CRISP1: variants seen among roughly 807,000 people sequenced by gnomAD.
CRISP1 encodes the protein cysteine rich secretory protein 1.
CRISP1 carries 44 observed loss-of-function variants against 33.1 expected under a neutral mutation model. That is an observed-to-expected ratio of 1.33 (90% CI 1.05 to 1.71). CRISP1 has a LOEUF of 1.71. Among genes scored for constraint, CRISP1 ranks in the 40% most tolerant of loss-of-function variants. CRISP1 has a pLI of 0.00. For missense variants in CRISP1, 390 were observed against 301.2 expected, an observed-to-expected ratio of 1.29 and a Z score of -2.18; for synonymous variants, 103 against 98.7, an observed-to-expected ratio of 1.04 and a Z score of -0.26.
chr6:49,858,104 G>A lies in CRISP1; in HGVS notation c.-2-702C>T, dbSNP rs925234136. Among the ~76,000 whole-genome samples the A allele has an allele frequency of 7.9e-5, 12 of 152,090 alleles. No homozygotes were observed. The South Asian group carries it at 8.3e-4, about 11-fold the overall frequency. ...CAGAAAGATTCTATTTAAACTCTCC[G>A]TCAGCTACAAAGAAGAGGAGTAACT... is the stretch of plus-strand genomic sequence containing the variant. On this transcript the variant is annotated intron_variant, in intron 1 of 7. Transcript: ENST00000335847.
At chr6:49,861,748 G>A (rs1015500087) in intron 1 of CRISP1, among the ~76,000 whole-genome samples, 5 of 152,074 alleles carry the variant, frequency 3.3e-5, no homozygotes, top group African/African-American at 1.2e-4. Flanking sequence ...ATCAAGGCAT[G>A]GTGGCACGCA....
rs115639859 is a variant in CRISP1 at position 49,848,186 on chromosome 6, G to A, written c.286+23C>T. The A allele has an allele frequency of 1.6e-3, 2,122 of 1,332,698 alleles. 16 individuals carry two copies. The highest frequency in any genetic ancestry group is 0.014 in the African/African-American group (910 of 66,978). 82.6% of individuals were successfully genotyped at this position (1,332,698 alleles called of 1,614,324 possible). Reference sequence around the variant, plus strand: ...TTTTTTTTTTTTTTAGTCCAAAGGCGGGTCATATAGATACACACTTACTTG... The same window carrying A: ...TTTTTTTTTTTTTTAGTCCAAAGGCAGGTCATATAGATACACACTTACTTG... On this transcript the variant is annotated intron_variant, in intron 4 of 7. Transcript: ENST00000335847.
In CRISP1 at chr6:49,848,214, A is replaced by G. The variant is rs1771245376; in HGVS notation, c.281T>C (p.Leu94Pro). 1 of 1,576,432 alleles carries G rather than the reference A, an allele frequency of 6.3e-7. No homozygotes were observed. The highest frequency in any genetic ancestry group is 8.6e-7 in the Non-Finnish European group (1 of 1,163,854). Residue 94 changes from leucine (L) to proline (P), a missense_variant, in exon 4 of 8, where the codon CTT becomes CCT. Physicochemically the swap from Leu to Pro is moderately conservative, Grantham distance 98 (BLOSUM62 -3). Transcript: ENST00000335847. ...TCATATAGATACACACTTACTTGGAAGTCTCCTCTCAAGGGGGTTGCTCTC... is the reference window on the plus strand; with the variant it reads ...TCATATAGATACACACTTACTTGGAGGTCTCCTCTCAAGGGGGTTGCTCTC... ...MTESNPLERR[L>P]PNTFCGENMH...
At chr6:49,865,316 C>T (rs980753772) in intron 1 of CRISP1, among the ~76,000 whole-genome samples, 4 of 152,128 alleles carry the variant, frequency 2.6e-5, no homozygotes, top group Admixed American at 2.0e-4. Context: ...ATTCTGATAA[C>T]TACCTTCCAC....
chr6:49,872,966 C>T (rs1455193643), intron 1 of CRISP1, among the ~76,000 whole-genome samples: 1 of 151,960 alleles, frequency 6.6e-6, no homozygotes, highest in Non-Finnish European at 1.5e-5. Flanking sequence ...ATGGGGATGG[C>T]ATTGAATCTA....
chr6:49,859,966 T>C (rs1337651212), intron 1 of CRISP1, among the ~76,000 whole-genome samples: 1 of 151,944 alleles, frequency 6.6e-6, no homozygotes, highest in African/African-American at 2.4e-5. Flanking sequence ...ATAGCTATAG[T>C]TTATCTTATA....
At chr6:49,839,694 A>G (rs996877268) in intron 6 of CRISP1, among the ~76,000 whole-genome samples, 2 of 152,194 alleles carry the variant, frequency 1.3e-5, no homozygotes, top group African/African-American at 2.4e-5. Context: ...AAAATTCCCC[A>G]TCATAGATCT....
intron 2 of CRISP1, among the ~76,000 whole-genome samples, chr6:49,856,649 A>C (rs768443970): frequency 6.6e-6 from 1 of 151,948 alleles, no homozygotes; most frequent in Non-Finnish European, 1.5e-5. Flanking sequence ...TATAAAAACC[A>C]CTCATTTTCT....
chr6:49,871,149 A>C (rs983932523), upstream of CRISP1, among the ~76,000 whole-genome samples: 32 of 151,586 alleles, frequency 2.1e-4, no homozygotes, highest in African/African-American at 7.3e-4. Flanking sequence ...ACAAAGAAAG[A>C]AAGAAAAAAA....
chr6:49,866,854 T>C (rs900533957), upstream of CRISP1, among the ~76,000 whole-genome samples: 1 of 152,148 alleles, frequency 6.6e-6, no homozygotes, highest in Non-Finnish European at 1.5e-5. Context: ...TCAGTAATTA[T>C]TTATTGAGGT....
At chr6:49,851,108 T>C (rs1771333311) in intron 3 of CRISP1, among the ~76,000 whole-genome samples, 1 of 152,196 alleles carries the variant, frequency 6.6e-6, no homozygotes, top group Non-Finnish European at 1.5e-5. Flanking sequence ...ATGAAAGCTA[T>C]TGATTTTTAT....
At chr6:49,848,914 A>T (rs1771267170) in intron 3 of CRISP1, among the ~76,000 whole-genome samples, 1 of 124,640 alleles carries the variant, frequency 8.0e-6, no homozygotes, top group Non-Finnish European at 2.0e-5. Flanking sequence ...ACAAAAAAAA[A>T]ATATTATATC....
intron 1 of CRISP1, among the ~76,000 whole-genome samples, chr6:49,874,169 A>G (rs1263435149): frequency 6.6e-6 from 1 of 152,074 alleles, no homozygotes; most frequent in Non-Finnish European, 1.5e-5. Context: ...GCAAGCCAGA[A>G]ACCTAATGTA....
chr6:49,851,961 T>C, intron 3 of CRISP1, 40 bp downstream of exon 3: 1 of 1,588,100 alleles, frequency 6.3e-7, no homozygotes, highest in Admixed American at 1.8e-5. Flanking sequence ...ACACCATTAC[T>C]ATTATTGCAA....
chr6:49,848,255 CT>C lies in CRISP1; in HGVS notation c.239del (p.Lys80SerfsTer5). On this transcript the variant is annotated frameshift_variant, in exon 4 of 8. Coordinates refer to ENST00000335847, the MANE Select transcript of CRISP1 (RefSeq NM_001131.3). LOFTEE classifies it high-confidence loss of function. ...EAAQNARIFS[K>X]YCDMTESNPL... The stretch of plus-strand genomic sequence containing the variant: ...GGTTGCTCTCTGTCATATCACAATA[CT>C]TTGAAAAAATTCTGGCATTTTGTGC... 2 of 1,604,942 alleles carry C rather than the reference CT, an allele frequency of 1.2e-6. No homozygotes were observed. The highest frequency in any genetic ancestry group is 2.7e-5 in the African/African-American group (2 of 74,048).
In CRISP1 at chr6:49,838,504, C is replaced by T; in HGVS notation, c.555G>A (p.Lys185=). ...YCHEGNDPET[K]NEPYKTGVPC... Reference sequence around the variant, plus strand: ...GGACGCCTGTCTTATAAGGTTCATTCTTTGTTTCAGGATCATTTCCCCTTG... The same window carrying T: ...GGACGCCTGTCTTATAAGGTTCATTTTTTGTTTCAGGATCATTTCCCCTTG... The change falls in exon 7 of 8, where the codon AAG becomes AAA. Residue 185 remains lysine (K), a synonymous_variant. Coordinates refer to ENST00000335847, the MANE Select transcript of CRISP1 (RefSeq NM_001131.3). 1 of 1,612,618 alleles carries T rather than the reference C, an allele frequency of 6.2e-7. No individual in the cohort carries two copies. Among genetic ancestry groups the T allele is most frequent in the Non-Finnish European group, 8.5e-7 (1 of 1,179,378 alleles).
chr6:49,849,631 A>G (rs1771288758), intron 3 of CRISP1, among the ~76,000 whole-genome samples: 1 of 152,176 alleles, frequency 6.6e-6, no homozygotes, highest in Non-Finnish European at 1.5e-5. Context: ...CAGAAGTCAT[A>G]GAGTTTGTTT....
chr6:49,853,640 G>A (rs946565293), intron 2 of CRISP1, among the ~76,000 whole-genome samples: 1 of 152,124 alleles, frequency 6.6e-6, no homozygotes, highest in African/African-American at 2.4e-5. Context: ...AAGTTGCCAC[G>A]ATCAGCCATT....
At position 49,838,408 on chromosome 6, in the gene CRISP1, G is replaced by A. The variant is rs140682141; in HGVS notation, c.622+29C>T. On this transcript the variant is annotated intron_variant, in intron 7 of 7. Transcript: ENST00000335847. ...TGGTTCCCAGATCAATGGGTTAACT[G>A]TAAACAAACAGAATGCAAACAAACT... 3.9e-4 allele frequency: 598 copies of A among 1,551,196 alleles called. 2 individuals carry two copies. The African/African-American group carries it at 7.4e-3, about 19-fold the overall frequency.
Sources: gnomAD v4.1 joint callset for allele counts (sites outside exome capture counted in the v4.1 genomes callset) on GRCh38, gnomAD v4.1.1 for gene constraint, MANE v1.5 for transcripts, NCBI Gene and HGNC (gene_info 2026-07-23, HGNC 2026-07-21) for gene names.